Variants in DLC1 observed in about 807,000 individuals in gnomAD.
DLC1 encodes the protein DLC1 Rho GTPase activating protein, also known as rho GTPase-activating protein 7.
Under a neutral mutation model 140.3 loss-of-function variants are expected in DLC1, and 54 were observed. The observed-to-expected ratio is 0.38, with a 90% CI of 0.31 to 0.48. DLC1 has a LOEUF of 0.48. Among genes scored for constraint, DLC1 ranks in the 20% least tolerant of loss-of-function variants. The pLI, the probability that DLC1 is intolerant of heterozygous loss-of-function variation, is 0.96. For synonymous variants in DLC1, 986 were observed against 728.1 expected (o/e 1.35, Z -5.70); for missense variants, 2,536 against 1,907.0 (o/e 1.33, Z -6.14).
intron 2 of DLC1, among the ~76,000 whole-genome samples, chr8:13,436,932 C>A (rs941029201): frequency 6.6e-6 from 1 of 151,978 alleles, no homozygotes; most frequent in South Asian, 2.1e-4. Flanking sequence ...TCTTATTTTT[C>A]GTTTCTAAGA....
intron 5 of DLC1, among the ~76,000 whole-genome samples, chr8:13,292,815 T>C (rs1831811049): frequency 6.6e-6 from 1 of 152,216 alleles, no homozygotes; most frequent in Non-Finnish European, 1.5e-5. Flanking sequence ...TTTTATATGC[T>C]TTTTTAAATA....
intron 4 of DLC1, among the ~76,000 whole-genome samples, chr8:13,358,528 A>G (rs1835055324): frequency 6.6e-6 from 1 of 152,210 alleles, no homozygotes; most frequent in Admixed American, 6.5e-5. Context: ...TTTCTAGTCT[A>G]CAGTAGGGGA....
intron 5 of DLC1, among the ~76,000 whole-genome samples, chr8:13,165,708 C>G (rs1222386543): frequency 6.6e-6 from 1 of 152,192 alleles, no homozygotes; most frequent in African/African-American, 2.4e-5. Context: ...ACATCGGCCT[C>G]TACACCTTCC....
chr8:13,133,280 G>T, intron 5 of DLC1: 10 of 1,308,724 alleles, frequency 7.6e-6, no homozygotes, highest in Non-Finnish European at 9.7e-6. Flanking sequence ...TCGGGCAGTC[G>T]GAGCGAACTG....
intron 4 of DLC1, among the ~76,000 whole-genome samples, chr8:13,316,391 A>G (rs932919734): frequency 5.3e-5 from 8 of 152,208 alleles, no homozygotes; most frequent in African/African-American, 1.9e-4. Context: ...CTACAATTAT[A>G]TAGTTAGATA....
chr8:13,409,959 C>T (rs289610), intron 2 of DLC1, among the ~76,000 whole-genome samples: 1,686 of 152,104 alleles, frequency 0.011, 26 homozygotes, highest in African/African-American at 0.039. Context: ...GTTTGAGGAA[C>T]ATTTTAGTAG....
intron 2 of DLC1, among the ~76,000 whole-genome samples, chr8:13,412,910 C>G (rs181285666): frequency 1.2e-3 from 150 of 122,512 alleles, no homozygotes; most frequent in African/African-American, 4.4e-3. Flanking sequence ...CCAGTCTGGG[C>G]GACAGAGCGA....
intron 5 of DLC1, among the ~76,000 whole-genome samples, chr8:13,164,285 G>A (rs1029058767): frequency 1.6e-5 from 2 of 121,270 alleles, no homozygotes; most frequent in African/African-American, 6.7e-5. Flanking sequence ...GGACAAGAGC[G>A]AGACTTCTCT....
At chr8:13,261,682 T>TA (rs1830476704) in intron 5 of DLC1, among the ~76,000 whole-genome samples, 1 of 151,952 alleles carries the variant, frequency 6.6e-6, no homozygotes, top group African/African-American at 2.4e-5. Flanking sequence ...CATTTGCAGG[T>TA]ACAGATGATA....
At chr8:13,139,567 G>A (rs888779590) in intron 5 of DLC1, among the ~76,000 whole-genome samples, 5 of 152,168 alleles carry the variant, frequency 3.3e-5, no homozygotes, top group African/African-American at 7.2e-5. Context: ...GGGCTTGGAC[G>A]TACTGAATTC....
At chr8:13,157,833 G>T (rs1378576209) in intron 5 of DLC1, among the ~76,000 whole-genome samples, 1 of 152,038 alleles carries the variant, frequency 6.6e-6, no homozygotes, top group East Asian at 1.9e-4. Context: ...TTCCACTAGG[G>T]CAATTGACGT....
chr8:13,319,588 G>GT (rs1833004485), intron 4 of DLC1, among the ~76,000 whole-genome samples: 1 of 108,130 alleles, frequency 9.2e-6, no homozygotes, highest in Non-Finnish European at 2.0e-5. Flanking sequence ...TTCCTCCAGC[G>GT]CCAGCCATGT....
chr8:13,204,925 T>C (rs1827579107), intron 5 of DLC1, among the ~76,000 whole-genome samples: 1 of 152,206 alleles, frequency 6.6e-6, no homozygotes, highest in East Asian at 1.9e-4. Context: ...TACAAGCACC[T>C]GTCTTACATT....
At chr8:13,479,378 C>T (rs973765789) in intron 2 of DLC1, among the ~76,000 whole-genome samples, 2 of 151,824 alleles carry the variant, frequency 1.3e-5, no homozygotes, top group Non-Finnish European at 2.9e-5. Context: ...AAAAAAAGGT[C>T]GCATAATGAG....
rs775848777 is a variant in DLC1, at chr8:13,111,772, C to T, written c.1421-949G>A. 8.5e-5 allele frequency among the ~76,000 whole-genome samples: 13 copies of T among 152,104 alleles called. No individual in the cohort carries two copies. In the East Asian group the frequency reaches 1.9e-3, roughly 23 times the overall value. ...TACAATACCAGGAAGAGGAGTGTCT[C>T]GGTGTAGGGTAACCCTTTGGACCAG... is the stretch of plus-strand genomic sequence containing the variant. On this transcript the variant is annotated intron_variant, in intron 6 of 17. Transcript: ENST00000276297.
chr8:13,541,649 A>T (rs1198935068), intron 1 of DLC1, among the ~76,000 whole-genome samples: 1 of 152,138 alleles, frequency 6.6e-6, no homozygotes, highest in Non-Finnish European at 1.5e-5. Flanking sequence ...TCCCGGGTTC[A>T]TGCCATTCTC....
At chr8:13,348,255 G>C (rs1342999568) in intron 4 of DLC1, among the ~76,000 whole-genome samples, 1 of 152,180 alleles carries the variant, frequency 6.6e-6, no homozygotes, top group Non-Finnish European at 1.5e-5. Context: ...TATGTGTGTG[G>C]TTGAAGGTTG....
At chr8:13,503,138 C>T (rs1228376264) in intron 1 of DLC1, among the ~76,000 whole-genome samples, 2 of 152,212 alleles carry the variant, frequency 1.3e-5, no homozygotes, top group African/African-American at 4.8e-5. Context: ...GGCATGATGG[C>T]TCACGCCTGT....
At chr8:13,308,342 G>C (rs1157912639) in intron 4 of DLC1, among the ~76,000 whole-genome samples, 1 of 152,152 alleles carries the variant, frequency 6.6e-6, no homozygotes, top group Non-Finnish European at 1.5e-5. Context: ...TGTAGAGAAA[G>C]GATAGTCAAA....
Sources: gnomAD v4.1 joint callset for allele counts (sites outside exome capture counted in the v4.1 genomes callset) on GRCh38, gnomAD v4.1.1 for gene constraint, MANE v1.5 for transcripts, NCBI Gene and HGNC (gene_info 2026-07-23, HGNC 2026-07-21) for gene names.